The following GPR39 variants were observed in gnomAD, a reference collection of about 807,000 sequenced individuals.
GPR39 encodes the protein zinc sensing receptor.
GPR39 carries 23 observed loss-of-function variants against 18.4 expected under a neutral mutation model. The observed-to-expected ratio is 1.25, with a 90% confidence interval of 0.90 to 1.77. The LOEUF is 1.77. GPR39 is among the 40% of genes most tolerant of loss of function. The pLI, the probability that GPR39 is intolerant of heterozygous loss-of-function variation, is 0.00. For synonymous variants in GPR39, 280 were observed against 257.9 expected, an observed-to-expected ratio of 1.09 and a Z score of -0.82; for missense variants, 647 against 602.4, an observed-to-expected ratio of 1.07 and a Z score of -0.78.
intron 1 of GPR39, among the ~76,000 whole-genome samples, chr2:132,430,766 C>T (rs114246808): frequency 0.022 from 3,385 of 152,234 alleles, 112 homozygotes; most frequent in African/African-American, 0.076. Context: ...AAAGGAGACC[C>T]ATGTTCTACC....
At chr2:132,522,082 G>C (rs1573644438) in intron 1 of GPR39, among the ~76,000 whole-genome samples, 1 of 152,246 alleles carries the variant, frequency 6.6e-6, no homozygotes, top group East Asian at 1.9e-4. Flanking sequence ...TCTACTTCTA[G>C]ATCCTTCCCT....
At chr2:132,512,303 C>T (rs1479450324) in intron 1 of GPR39, among the ~76,000 whole-genome samples, 1 of 152,126 alleles carries the variant, frequency 6.6e-6, no homozygotes, top group Non-Finnish European at 1.5e-5. Flanking sequence ...GCTCAGCACA[C>T]CTCCCCAGGT....
intron 1 of GPR39, among the ~76,000 whole-genome samples, chr2:132,576,700 A>T (rs1364027300): frequency 1.3e-5 from 2 of 152,138 alleles, no homozygotes; most frequent in Non-Finnish European, 2.9e-5. Context: ...TCAGTCCTGA[A>T]CATTTTTTAA....
intron 1 of GPR39, among the ~76,000 whole-genome samples, chr2:132,497,959 A>T (rs1681679012): frequency 1.3e-5 from 2 of 152,192 alleles, no homozygotes; most frequent in Admixed American, 1.3e-4. Context: ...GTCCCTGTAA[A>T]AGGCTCCAAT....
intron 1 of GPR39, among the ~76,000 whole-genome samples, chr2:132,496,186 C>T (rs1326783202): frequency 6.6e-6 from 1 of 152,132 alleles, no homozygotes; most frequent in Non-Finnish European, 1.5e-5. Context: ...TGTACAAAGT[C>T]CTGATGCTGT....
intron 1 of GPR39, among the ~76,000 whole-genome samples, chr2:132,589,765 C>A (rs1051442355): frequency 1.3e-5 from 2 of 152,194 alleles, no homozygotes; most frequent in Non-Finnish European, 2.9e-5. Flanking sequence ...CTGCCAGAGC[C>A]ATAAAGATTA....
chr2:132,460,842 G>C (rs1230401405), intron 1 of GPR39, among the ~76,000 whole-genome samples: 1 of 152,112 alleles, frequency 6.6e-6, no homozygotes, highest in African/African-American at 2.4e-5. Context: ...TAACCCCAGA[G>C]CACAGCCAGC....
At chr2:132,566,515 C>T (rs564453409) in intron 1 of GPR39, among the ~76,000 whole-genome samples, 21 of 152,148 alleles carry the variant, frequency 1.4e-4, no homozygotes, top group Non-Finnish European at 2.4e-4. Flanking sequence ...TGTTTGTTTT[C>T]AGTGTCCTTT....
intron 1 of GPR39, among the ~76,000 whole-genome samples, chr2:132,477,463 G>A (rs1681151315): frequency 6.6e-6 from 1 of 152,182 alleles, no homozygotes; most frequent in Non-Finnish European, 1.5e-5. Context: ...CTACTCGGGA[G>A]GCTGAGGTGA....
chr2:132,445,295 A>G (rs1413697499), intron 1 of GPR39, among the ~76,000 whole-genome samples: 1 of 152,206 alleles, frequency 6.6e-6, no homozygotes, highest in African/African-American at 2.4e-5. Flanking sequence ...ATATAATATG[A>G]TGACATGATT....
At chr2:132,603,680 G>T (rs111888717) in intron 1 of GPR39, among the ~76,000 whole-genome samples, 27 of 152,266 alleles carry the variant, frequency 1.8e-4, no homozygotes, top group Middle Eastern at 3.4e-3. Context: ...GAGGAGAAAA[G>T]GTGATCACAA....
At chr2:132,496,946 C>T (rs111398265) in intron 1 of GPR39, among the ~76,000 whole-genome samples, 3,706 of 152,302 alleles carry the variant, frequency 0.024, 146 homozygotes, top group African/African-American at 0.083. Flanking sequence ...CTGATTTCCA[C>T]TGATTTTTAA....
chr2:132,520,093 T>C (rs1679395887), intron 1 of GPR39, among the ~76,000 whole-genome samples: 1 of 152,152 alleles, frequency 6.6e-6, no homozygotes, highest in Admixed American at 6.5e-5. Flanking sequence ...GACTTATAAT[T>C]TATATTCTTA....
At chr2:132,562,566 G>A (rs2104805214) in intron 1 of GPR39, among the ~76,000 whole-genome samples, 1 of 151,638 alleles carries the variant, frequency 6.6e-6, no homozygotes, top group Non-Finnish European at 1.5e-5. Flanking sequence ...TCGTCTTTAA[G>A]ATCCTATTTT....
chr2:132,501,829 GT>G (rs1679042417), intron 1 of GPR39, among the ~76,000 whole-genome samples: 1 of 152,080 alleles, frequency 6.6e-6, no homozygotes, highest in East Asian at 1.9e-4. Context: ...ACTATATAAT[GT>G]CCCTCTTTGT....
chr2:132,517,856 A>G (rs1212108174), intron 1 of GPR39, among the ~76,000 whole-genome samples: 1 of 152,244 alleles, frequency 6.6e-6, no homozygotes, highest in Non-Finnish European at 1.5e-5. Context: ...TCTTTGAACA[A>G]GTACCTACTG....
At chr2:132,445,293 T>C (rs932915350) in intron 1 of GPR39, among the ~76,000 whole-genome samples, 1 of 152,198 alleles carries the variant, frequency 6.6e-6, no homozygotes, top group South Asian at 2.1e-4. Context: ...CTATATAATA[T>C]GATGACATGA....
intron 1 of GPR39, among the ~76,000 whole-genome samples, chr2:132,554,895 C>T (rs1438850718): frequency 5.3e-5 from 8 of 152,202 alleles, no homozygotes; most frequent in East Asian, 3.9e-4. Context: ...TACTTTCATA[C>T]GTGTTTGTAC....
Position 132,549,680 on chromosome 2 carries a change from C to A in GPR39, c.857-95421C>A, listed in dbSNP as rs142357800. On this transcript the variant is annotated intron_variant, in intron 1 of 1. Coordinates refer to ENST00000329321, the MANE Select transcript of GPR39 (RefSeq NM_001508.3). ...GTGCGCACCTGTAGTCCCAGCTACT[C>A]GGGAGGCTGAGGCAGGAGAATCGCT... 6.3e-4 allele frequency among the ~76,000 whole-genome samples: 95 copies of A among 151,982 alleles called. 1 individual carries two copies. Among genetic ancestry groups the A allele is most frequent in the African/African-American group, 1.9e-3 (79 of 41,460 alleles).
Sources: allele counts gnomAD v4.1 joint callset (sites outside exome capture counted in the v4.1 genomes callset), GRCh38; gene constraint gnomAD v4.1.1; transcripts MANE v1.5; gene names NCBI Gene and HGNC (gene_info 2026-07-23, HGNC 2026-07-21).